Variants in SPDYE18 observed in about 807,000 individuals in gnomAD.
SPDYE18 encodes speedy protein E18.
SPDYE18 carries 6 observed loss-of-function variants against 44.9 expected under a neutral mutation model. That is an observed-to-expected ratio of 0.13 (90% CI 0.07 to 0.26). SPDYE18 has a LOEUF of 0.26. Ranked by LOEUF, SPDYE18 falls within the 10% of genes least tolerant of loss-of-function variation. The pLI, the probability that SPDYE18 is intolerant of heterozygous loss-of-function variation, is 1.00. For missense variants in SPDYE18, 121 were observed against 463.2 expected (o/e 0.26, Z 6.78); for synonymous variants, 35 against 177.1 (o/e 0.20, Z 6.37).
rs148458816 is a variant in SPDYE18, at chr7:77,060,502, G to A, written c.11C>T (p.Thr4Met). The A allele has an allele frequency of 3.8e-4, 580 of 1,535,140 alleles. No individual in the cohort carries two copies. Among genetic ancestry groups the A allele is most frequent in the African/African-American group, 9.9e-4 (72 of 72,976 alleles). The change falls in exon 2 of 9, where the codon ACG becomes ATG. Residue 4 changes from threonine to methionine, a missense_variant. Physicochemically the swap from Thr to Met is moderately conservative, Grantham distance 81. Coordinates refer to ENST00000510091, the MANE Select transcript of SPDYE18 (RefSeq NM_001394953.1). The part of the protein sequence containing the change: MDR[T>M]KTRFRKRGQI... Reference sequence around the variant, plus strand: ...TCCCCTCTTACGGAACCTAGTCTTCGTTCTGTCCATGGCCTTCTTCTGGAC... The same window carrying A: ...TCCCCTCTTACGGAACCTAGTCTTCATTCTGTCCATGGCCTTCTTCTGGAC...
chr7:77,060,046 A>C (rs1289337206), intron 2 of SPDYE18, among the ~76,000 whole-genome samples: 1 of 101,670 alleles, frequency 9.8e-6, no homozygotes, highest in Admixed American at 1.0e-4. Flanking sequence ...TTTTTTTTGG[A>C]GTGCAGTAGC....
intron 2 of SPDYE18, 82 bp downstream of exon 2, chr7:77,060,271 A>C: frequency 6.6e-7 from 1 of 1,524,702 alleles, no homozygotes; most frequent in South Asian, 1.2e-5. Flanking sequence ...TGCTGGGGTT[A>C]CAGGCGTGAG....
rs1789804352 is a variant in SPDYE18, at chr7:77,051,777, A to C, written c.*148T>G. 6.7e-6 allele frequency among the ~76,000 whole-genome samples: 1 copy of C among 149,910 alleles called. No homozygotes were observed. ...CATCAAGAATGGTCCAGGTTCTTCT[A>C]GATGATCTGCACAAATGGTTCCTCT... On this transcript the variant is annotated 3_prime_UTR_variant, in exon 9 of 9. Coordinates refer to ENST00000510091, the MANE Select transcript of SPDYE18 (RefSeq NM_001394953.1).
chr7:77,058,488 CCCTT>C (rs1478123974), intron 3 of SPDYE18, among the ~76,000 whole-genome samples: 4 of 122,560 alleles, frequency 3.3e-5, no homozygotes, highest in South Asian at 2.9e-4. Flanking sequence ...GACTTCTGGG[CCCTT>C]CCTTCCTTCT....
intron 6 of SPDYE18, among the ~76,000 whole-genome samples, chr7:77,054,670 C>T (rs1482107059): frequency 1.3e-5 from 2 of 152,132 alleles, no homozygotes; most frequent in South Asian, 2.1e-4. Flanking sequence ...GCGGCATGTC[C>T]GCTCCTCCAC....
Position 77,051,397 on chromosome 7 carries a change from C to G in SPDYE18, c.*528G>C, listed in dbSNP as rs1318136460. Among the ~76,000 whole-genome samples the G allele has an allele frequency of 6.6e-6, 1 of 152,274 alleles. No individual in the cohort carries two copies. Among genetic ancestry groups the G allele is most frequent in the Non-Finnish European group, 1.5e-5 (1 of 68,050 alleles). On this transcript the variant is annotated 3_prime_UTR_variant, in exon 9 of 9. Coordinates refer to ENST00000510091, the MANE Select transcript of SPDYE18 (RefSeq NM_001394953.1). ...ATTTGAAATAAATCTATGAATAATT[C>G]AATGGCCAACATTTCCAAACAAACC...
intron 8 of SPDYE18, among the ~76,000 whole-genome samples, chr7:77,052,416 A>G (rs1250037761): frequency 1.3e-5 from 2 of 152,208 alleles, no homozygotes; most frequent in East Asian, 3.9e-4. Flanking sequence ...GTCAATCATA[A>G]TGAACCTCCC....
chr7:77,051,408 A>T lies in SPDYE18; in HGVS notation c.*517T>A, dbSNP rs531105870. ...ATCTATGAATAATTCAATGGCCAAC[A>T]TTTCCAAACAAACCAATAAAATGCA... On this transcript the variant is annotated 3_prime_UTR_variant, in exon 9 of 9. Coordinates refer to ENST00000510091, the MANE Select transcript of SPDYE18 (RefSeq NM_001394953.1). Among the ~76,000 whole-genome samples the T allele has an allele frequency of 1.6e-3, 243 of 152,272 alleles. No homozygotes were observed. Among genetic ancestry groups the T allele is most frequent in the Middle Eastern group, 3.4e-3 (1 of 294 alleles).
At chr7:77,062,382 A>G (rs1790032006) in intron 1 of SPDYE18, among the ~76,000 whole-genome samples, 114 bp downstream of exon 1, 1 of 150,596 alleles carries the variant, frequency 6.6e-6, no homozygotes, top group East Asian at 2.0e-4. Context: ...ACAGGCTTTC[A>G]AATATTAGAA....
intron 3 of SPDYE18, among the ~76,000 whole-genome samples, chr7:77,058,592 T>C (rs1185370298): frequency 2.8e-5 from 4 of 143,790 alleles, no homozygotes; most frequent in Admixed American, 7.2e-5. Flanking sequence ...AAGCAACCTC[T>C]TCCACCTGGG....
chr7:77,058,116 C>CTTTTTTTTTTTTTTT (rs375559743), intron 3 of SPDYE18, among the ~76,000 whole-genome samples: 1 of 62,228 alleles, frequency 1.6e-5, no homozygotes, highest in Non-Finnish European at 2.6e-5. Flanking sequence ...CTCTGAGTCT[C>CTTTTTTTTTTTTTTT]TTTTTTTTTT....
Position 77,052,305 on chromosome 7 carries a change from C to G in SPDYE18, c.*46-426G>C, listed in dbSNP as rs1166434209. ...GAAGCCTAATCCTTAATCCTACCTC[C>G]TCATGATGAAGTCTCATGCTCTGTG... On this transcript the variant is annotated intron_variant, in intron 8 of 8. Coordinates refer to ENST00000510091, the MANE Select transcript of SPDYE18 (RefSeq NM_001394953.1). Among the ~76,000 whole-genome samples the G allele has an allele frequency of 2.0e-5, 3 of 152,222 alleles. No homozygotes were observed. In the East Asian group the frequency reaches 5.8e-4, roughly 29 times the overall value.
At chr7:77,055,013 CTG>C (rs1220078002) in intron 6 of SPDYE18, among the ~76,000 whole-genome samples, 1 of 152,276 alleles carries the variant, frequency 6.6e-6, no homozygotes, top group Non-Finnish European at 1.5e-5. Flanking sequence ...GGTGATCTGC[CTG>C]CCTCGGCCTC....
intron 6 of SPDYE18, among the ~76,000 whole-genome samples, chr7:77,054,514 G>A (rs1356013917): frequency 2.0e-5 from 3 of 149,764 alleles, no homozygotes; most frequent in Non-Finnish European, 4.5e-5. Flanking sequence ...CCAGCAGGGA[G>A]CATTTGACAG....
rs1262756812 is a variant in SPDYE18, at chr7:77,060,500, T to C, written c.13A>G (p.Lys5Glu). ...TGTCCCCTCTTACGGAACCTAGTCTTCGTTCTGTCCATGGCCTTCTTCTGG... is the reference window on the plus strand; with the variant it reads ...TGTCCCCTCTTACGGAACCTAGTCTCCGTTCTGTCCATGGCCTTCTTCTGG... MDRT[K>E]TRFRKRGQIT... is the part of the protein sequence containing the mutation. Residue 5 changes from lysine (K) to glutamate (E), a missense_variant, in exon 2 of 9, where the codon AAG (lysine) becomes GAG (glutamate). Lys to Glu is a moderately conservative substitution (Grantham distance 56, BLOSUM62 1). Transcript: ENST00000510091. The C allele has an allele frequency of 4.2e-4, 637 of 1,531,810 alleles. 2 individuals carry two copies. The African/African-American group carries it at 5.8e-3, about 14-fold the overall frequency. The allele number at this position is 1,531,810 out of a possible 1,614,324, so 94.9% of individuals were successfully genotyped here.
intron 1 of SPDYE18, among the ~76,000 whole-genome samples, chr7:77,062,074 G>C (rs1426633899): frequency 7.3e-6 from 1 of 137,696 alleles, no homozygotes; most frequent in Non-Finnish European, 1.6e-5. Flanking sequence ...GTTGCAGGGA[G>C]CCAAGATCGC....
chr7:77,050,877 A>G lies in SPDYE18; in HGVS notation c.*1048T>C, dbSNP rs1191719859. Among the ~76,000 whole-genome samples the G allele has an allele frequency of 1.3e-5, 2 of 149,400 alleles. No homozygotes were observed. Among genetic ancestry groups the G allele is most frequent in the Non-Finnish European group, 3.0e-5 (2 of 67,368 alleles). ...GTATTTCCAAAATATTTAAAATAAT[A>G]TTTAAAGTAATAATAATATTTAAAT... is the stretch of plus-strand genomic sequence containing the variant. On this transcript the variant is annotated 3_prime_UTR_variant, in exon 9 of 9. Coordinates refer to ENST00000510091, the MANE Select transcript of SPDYE18 (RefSeq NM_001394953.1).
intron 2 of SPDYE18, among the ~76,000 whole-genome samples, chr7:77,060,023 CTTTTCTTTTTT>C (rs1789995206): frequency 1.0e-5 from 1 of 98,958 alleles, no homozygotes; most frequent in Non-Finnish European, 2.2e-5. Flanking sequence ...TTTCTTTTTT[CTTTTCTTTTTT>C]TTTTTTTTTG....
chr7:77,058,116 C>CTTTTT (rs375559743), intron 3 of SPDYE18, among the ~76,000 whole-genome samples: 15 of 62,210 alleles, frequency 2.4e-4, no homozygotes, highest in South Asian at 9.2e-4. Context: ...CTCTGAGTCT[C>CTTTTT]TTTTTTTTTT....
Sources: gnomAD v4.1 joint callset for allele counts (sites outside exome capture counted in the v4.1 genomes callset) on GRCh38, gnomAD v4.1.1 for gene constraint, MANE v1.5 for transcripts, NCBI Gene and HGNC (gene_info 2026-07-23, HGNC 2026-07-21) for gene names.